S100Z: variants seen among roughly 807,000 people sequenced by gnomAD.
S100Z encodes S100 calcium binding protein Z.
In S100Z, 11 loss-of-function variants were observed where a neutral mutation model predicts 8.5. The ratio of observed to expected loss-of-function variants is 1.30; its 90% CI spans 0.82 to 2.15. The LOEUF (loss-of-function observed/expected upper bound fraction) is 2.15. Among genes scored for constraint, S100Z ranks in the 30% most tolerant of loss-of-function variants. The pLI, the probability that S100Z is intolerant of heterozygous loss-of-function variation, is 0.00. For synonymous variants in S100Z, 34 were observed against 43.8 expected (o/e 0.78, Z 0.89); for missense variants, 126 against 117.9 (o/e 1.07, Z -0.32).
At position 76,872,575 on chromosome 5, in the gene S100Z, C is replaced by T. The variant is rs183928884; in HGVS notation, c.-57+2291C>T. ...ACTCAGGTGGCTGAAGCAGGAGGAT[C>T]GCTTGAGCCTGGGAGGTTGAGGTGC... On this transcript the variant is annotated intron_variant, in intron 2 of 4. Transcript: ENST00000317593. Among the ~76,000 whole-genome samples, 436 of 150,756 alleles carry T rather than the reference C, an allele frequency of 2.9e-3. 3 individuals carry two copies. The highest frequency in any genetic ancestry group is 0.01 in the African/African-American group (414 of 41,070).
At chr5:76,924,630 C>T (rs997087550), downstream of S100Z, among the ~76,000 whole-genome samples, 1 of 152,152 alleles carries the variant, frequency 6.6e-6, no homozygotes, top group African/African-American at 2.4e-5. Context: ...CATTTATGGG[C>T]CGGGTGTGGT....
At chr5:76,907,154 T>G (rs1744484446) in intron 4 of S100Z, among the ~76,000 whole-genome samples, 1 of 151,684 alleles carries the variant, frequency 6.6e-6, no homozygotes, top group African/African-American at 2.4e-5. Context: ...AGACTATCCT[T>G]TTTTTCTGTT....
At position 76,877,754 on chromosome 5, in the gene S100Z, A is replaced by T; in HGVS notation, c.222A>T (p.Glu74Asp). ...AGGACAACGAAGTGGATTTTAATGA[A>T]TTCGTGGTCATGGTGGCAGCTCTGA... The part of the protein sequence containing the change: ...ANKDNEVDFN[E>D]FVVMVAALTV... The change falls in exon 4 of 5, where the codon GAA becomes GAT. Residue 74 changes from glutamate (E) to aspartate (D), a missense_variant. Glu to Asp is a conservative substitution (Grantham distance 45, BLOSUM62 2). Transcript: ENST00000317593. 1 of 1,611,250 alleles carries T rather than the reference A, an allele frequency of 6.2e-7. No homozygotes were observed. Among genetic ancestry groups the T allele is most frequent in the East Asian group, 2.2e-5 (1 of 44,864 alleles).
intron 4 of S100Z, among the ~76,000 whole-genome samples, chr5:76,898,037 C>T (rs1744101111): frequency 4.6e-5 from 7 of 152,208 alleles, no homozygotes; most frequent in Admixed American, 4.6e-4. Context: ...ACAGTGGTGA[C>T]ACTGGGCATC....
intron 4 of S100Z, among the ~76,000 whole-genome samples, chr5:76,914,116 C>T (rs1175243397): frequency 6.6e-6 from 1 of 152,160 alleles, no homozygotes; most frequent in Non-Finnish European, 1.5e-5. Context: ...CCTGCTGGCC[C>T]TTCCACTGGC....
At chr5:76,939,993 C>T in the S100Z span, among the ~76,000 whole-genome samples, 1 of 151,668 alleles carries the variant, frequency 6.6e-6, no homozygotes, top group African/African-American at 2.4e-5. Context: ...CCCATCTCTA[C>T]TAAAAATACA....
At chr5:76,949,492 ATGT>A in the S100Z span, among the ~76,000 whole-genome samples, 2 of 152,344 alleles carry the variant, frequency 1.3e-5, no homozygotes, top group South Asian at 4.1e-4. Flanking sequence ...TGAAATCAGT[ATGT>A]TGAAGACATA....
chr5:76,875,364 C>T lies in S100Z; in HGVS notation c.5C>T (p.Pro2Leu), dbSNP rs1366983740. M[P>L]TQLEMAMDTM... The stretch of plus-strand genomic sequence containing the variant: ...GTGGTCAGTTCTGCTGCCGACATGC[C>T]CACCCAGCTCGAGATGGCCATGGAC... Residue 2 changes from proline (P) to leucine (L), a missense_variant, in exon 3 of 5, where the codon CCC becomes CTC. Pro to Leu is a moderately conservative substitution (Grantham distance 98, BLOSUM62 -3). Transcript: ENST00000317593. The T allele has an allele frequency of 6.8e-6, 11 of 1,609,906 alleles. No individual in the cohort carries two copies. Among genetic ancestry groups the T allele is most frequent in the Admixed American group, 1.7e-5 (1 of 59,362 alleles).
chr5:76,875,901 G>GGGTA (rs567920251), intron 3 of S100Z, among the ~76,000 whole-genome samples: 4 of 152,230 alleles, frequency 2.6e-5, no homozygotes, highest in Admixed American at 2.6e-4. Context: ...TTCAGAGGTG[G>GGGTA]GGTACTTCAT....
At chr5:76,918,617 G>A (rs1221231219) in intron 4 of S100Z, among the ~76,000 whole-genome samples, 2 of 152,182 alleles carry the variant, frequency 1.3e-5, no homozygotes, top group African/African-American at 4.8e-5. Flanking sequence ...GCCTCCAGAT[G>A]TGCACCGACT....
chr5:76,906,205 A>G (rs1025145935), intron 4 of S100Z, among the ~76,000 whole-genome samples: 1 of 152,240 alleles, frequency 6.6e-6, no homozygotes. Flanking sequence ...ATGGTAGACA[A>G]CGTGATGTTT....
chr5:76,928,539 T>C, the S100Z span, among the ~76,000 whole-genome samples: 2 of 152,322 alleles, frequency 1.3e-5, no homozygotes, highest in South Asian at 4.1e-4. Flanking sequence ...TTCTGCATTA[T>C]GGTACAGAAA....
intron 4 of S100Z, among the ~76,000 whole-genome samples, chr5:76,898,070 A>G (rs1289241902): frequency 9.9e-5 from 15 of 152,106 alleles, no homozygotes; most frequent in Non-Finnish European, 1.6e-4. Flanking sequence ...CAGATCTTAG[A>G]CGAGAGACTT....
At chr5:76,889,340 A>G (rs1743775544) in intron 4 of S100Z, among the ~76,000 whole-genome samples, 1 of 152,230 alleles carries the variant, frequency 6.6e-6, no homozygotes, top group Non-Finnish European at 1.5e-5. Flanking sequence ...TTGAAGCCGT[A>G]TCATTTAGAA....
chr5:76,867,987 C>T (rs539531327), intron 1 of S100Z, among the ~76,000 whole-genome samples: 53 of 152,264 alleles, frequency 3.5e-4, no homozygotes, highest in African/African-American at 1.2e-3. Context: ...ACCAAAATTG[C>T]AAAGTGCAAT....
At chr5:76,891,867 G>A (rs1425096832) in intron 4 of S100Z, among the ~76,000 whole-genome samples, 1 of 152,100 alleles carries the variant, frequency 6.6e-6, no homozygotes, top group Non-Finnish European at 1.5e-5. Flanking sequence ...GACCATCTCA[G>A]AGTAAAGGTC....
chr5:76,938,675 C>T, the S100Z span, among the ~76,000 whole-genome samples: 2 of 152,294 alleles, frequency 1.3e-5, no homozygotes, highest in Admixed American at 1.3e-4. Context: ...CAAAGGCATT[C>T]CCCTATGTTT....
the S100Z span, among the ~76,000 whole-genome samples, chr5:76,939,206 G>A: frequency 6.7e-6 from 1 of 150,162 alleles, no homozygotes; most frequent in Non-Finnish European, 1.5e-5. Flanking sequence ...AGGCTGGAGT[G>A]CAGTGGCATG....
At chr5:76,867,995 A>G (rs575345026) in intron 1 of S100Z, among the ~76,000 whole-genome samples, 1 of 152,340 alleles carries the variant, frequency 6.6e-6, no homozygotes, top group East Asian at 1.9e-4. Flanking sequence ...TGCAAAGTGC[A>G]ATGGAAATAA....
Sources: allele counts gnomAD v4.1 joint callset (sites outside exome capture counted in the v4.1 genomes callset), GRCh38; gene constraint gnomAD v4.1.1; transcripts MANE v1.5; gene names NCBI Gene and HGNC (gene_info 2026-07-23, HGNC 2026-07-21).